The following HERC3 variants were observed in gnomAD, a reference collection of about 807,000 sequenced individuals.
HERC3 encodes the protein HECT and RLD domain containing E3 ubiquitin protein ligase 3.
Under a neutral mutation model 129.9 loss-of-function variants are expected in HERC3, and 58 were observed. That is an observed-to-expected ratio of 0.45 (90% CI 0.36 to 0.56). HERC3 has a LOEUF of 0.56. HERC3 is among the 20% of genes least tolerant of loss of function. The pLI is 0.00. For synonymous variants in HERC3, 430 were observed against 451.0 expected, an observed-to-expected ratio of 0.95 and a Z score of 0.59; for missense variants, 835 against 1,244.2, an observed-to-expected ratio of 0.67 and a Z score of 4.95.
intron 2 of HERC3, among the ~76,000 whole-genome samples, chr4:88,605,567 C>G (rs577113306): frequency 1.5e-4 from 23 of 152,244 alleles, no homozygotes; most frequent in African/African-American, 5.5e-4. Flanking sequence ...TTCATTTAAA[C>G]AAACACAATT....
At chr4:88,561,225 A>G in the HERC3 span, among the ~76,000 whole-genome samples, 17 of 152,002 alleles carry the variant, frequency 1.1e-4, no homozygotes, top group Admixed American at 2.6e-4. Context: ...AAGACGACTT[A>G]TTTTCTAATT....
chr4:88,586,280 G>T, the HERC3 span, among the ~76,000 whole-genome samples: 1 of 151,786 alleles, frequency 6.6e-6, no homozygotes, highest in East Asian at 1.9e-4. Flanking sequence ...TTCTATTAAA[G>T]ATGTTCAATA....
chr4:88,611,358 A>C (rs550797552), intron 3 of HERC3, among the ~76,000 whole-genome samples: 5 of 152,214 alleles, frequency 3.3e-5, no homozygotes, highest in Admixed American at 6.6e-5. Context: ...GAGCTGCTAG[A>C]CATGGAAGGG....
rs1357021258 is a variant in HERC3, at chr4:88,605,852, G to GCCAACCTGGTATCAGCA, written c.38_54dup (p.Gln19ValfsTer48). ...TTATGTTGGGGATATTGGTCTCTGGGCCAACCTGGTATCAGCACCAACCTG... is the reference window on the plus strand; with the variant it reads ...TTATGTTGGGGATATTGGTCTCTGGGCCAACCTGGTATCAGCACCAACCTGGTATCAGCACCAACCTG... On this transcript the variant is annotated frameshift_variant, in exon 3 of 26. Transcript: ENST00000402738. LOFTEE classifies it high-confidence loss of function. The GCCAACCTGGTATCAGCA allele has an allele frequency of 6.2e-7, 1 of 1,614,182 alleles. No individual in the cohort carries two copies.
the HERC3 span, among the ~76,000 whole-genome samples, chr4:88,570,683 C>T: frequency 5.9e-5 from 9 of 152,206 alleles, no homozygotes; most frequent in African/African-American, 1.9e-4. Flanking sequence ...TTGTGCCAGA[C>T]ATTTAATGGC....
chr4:88,697,059 A>T, intron 23 of HERC3: 1 of 735,742 alleles, frequency 1.4e-6, no homozygotes, highest in Non-Finnish European at 2.1e-6. Context: ...TAATTGCTTT[A>T]ATTTAATCTA....
At position 88,708,261 on chromosome 4, in the gene HERC3, T is replaced by G. The variant is rs1398433020; in HGVS notation, c.*1301T>G. The G allele has an allele frequency of 6.6e-6, 1 of 152,644 alleles. No individual in the cohort carries two copies. Among genetic ancestry groups the G allele is most frequent in the Non-Finnish European group, 1.5e-5 (1 of 68,038 alleles). The allele number at this position is 152,644 out of a possible 1,614,324, so 9.5% of individuals were successfully genotyped here. ...ATTCTACATGATTAAAGAATCCATG[T>G]AAGTCTAATTTTAAATTCCTAGTAA... On this transcript the variant is annotated 3_prime_UTR_variant, in exon 26 of 26. Coordinates refer to ENST00000402738, the MANE Select transcript of HERC3 (RefSeq NM_014606.3).
chr4:88,610,251 G>A (rs572345142), intron 3 of HERC3, among the ~76,000 whole-genome samples: 14 of 152,208 alleles, frequency 9.2e-5, no homozygotes, highest in African/African-American at 3.4e-4. Flanking sequence ...TCAGGAGTCC[G>A]AGACCAGCCT....
the HERC3 span, among the ~76,000 whole-genome samples, chr4:88,562,522 A>G: frequency 6.6e-6 from 1 of 151,950 alleles, no homozygotes; most frequent in African/African-American, 2.4e-5. Context: ...CCATGTGTCC[A>G]TTTTTTGCTT....
At chr4:88,543,574 G>GA in the HERC3 span, among the ~76,000 whole-genome samples, 1 of 152,040 alleles carries the variant, frequency 6.6e-6, no homozygotes, top group African/African-American at 2.4e-5. Context: ...CACAGAATTG[G>GA]AAAAAACTAC....
At chr4:88,595,826 T>C (rs1296060203) in intron 2 of HERC3, among the ~76,000 whole-genome samples, 3 of 150,676 alleles carry the variant, frequency 2.0e-5, no homozygotes, top group Admixed American at 6.6e-5. Flanking sequence ...TGGTCTCTGC[T>C]TCAAGCACTT....
chr4:88,596,349 A>T (rs1449941221), intron 2 of HERC3, among the ~76,000 whole-genome samples: 1 of 152,188 alleles, frequency 6.6e-6, no homozygotes, highest in Non-Finnish European at 1.5e-5. Context: ...TGGCAGGGAC[A>T]TGTGTTTCTG....
intron 18 of HERC3, among the ~76,000 whole-genome samples, chr4:88,676,942 C>T (rs931408664): frequency 3.9e-5 from 6 of 152,084 alleles, no homozygotes; most frequent in African/African-American, 1.4e-4. Context: ...GAGTTCAAGA[C>T]CAGCCTGGCC....
the HERC3 span, among the ~76,000 whole-genome samples, chr4:88,539,096 C>A: frequency 6.6e-6 from 1 of 152,120 alleles, no homozygotes; most frequent in Non-Finnish European, 1.5e-5. Flanking sequence ...ACACAGAGGG[C>A]GAGCCAAAGC....
At chr4:88,595,936 C>A (rs1028437352) in intron 2 of HERC3, among the ~76,000 whole-genome samples, 37 of 150,538 alleles carry the variant, frequency 2.5e-4, no homozygotes, top group Middle Eastern at 3.2e-3. Flanking sequence ...GCAGGCTCCG[C>A]CCCCCGGGGT....
chr4:88,650,293 C>T (rs1003262154), intron 4 of HERC3, among the ~76,000 whole-genome samples: 1 of 152,202 alleles, frequency 6.6e-6, no homozygotes, highest in African/African-American at 2.4e-5. Context: ...ACATCTTTCA[C>T]ATCGTAGGCT....
At chr4:88,662,342 G>A in intron 10 of HERC3, 89 bp from the exon 11 acceptor site, 13 of 1,326,768 alleles carry the variant, frequency 9.8e-6, no homozygotes, top group Non-Finnish European at 1.4e-5. Context: ...TAAGTGAAAC[G>A]TAAAATGGAG....
intron 3 of HERC3, among the ~76,000 whole-genome samples, chr4:88,617,254 AC>A (rs1725011550): frequency 6.7e-6 from 1 of 150,230 alleles, no homozygotes; most frequent in African/African-American, 2.5e-5. Context: ...CAGCCTGTTG[AC>A]TCTTTTTGGG....
intron 3 of HERC3, among the ~76,000 whole-genome samples, chr4:88,648,735 G>A (rs538520401): frequency 4.0e-4 from 61 of 151,564 alleles, no homozygotes; most frequent in Middle Eastern, 3.4e-3. Context: ...ATTTTTTTTT[G>A]AAATATTTAT....
Sources: allele counts gnomAD v4.1 joint callset (sites outside exome capture counted in the v4.1 genomes callset), GRCh38; gene constraint gnomAD v4.1.1; transcripts MANE v1.5; gene names NCBI Gene and HGNC (gene_info 2026-07-23, HGNC 2026-07-21).